KSR2: variants seen among roughly 807,000 people sequenced by gnomAD.
KSR2 encodes kinase suppressor of ras 2.
In KSR2, 25 loss-of-function variants were observed where a neutral mutation model predicts 107.8. The ratio of observed to expected loss-of-function variants is 0.23; its 90% CI spans 0.17 to 0.32. KSR2 has a LOEUF of 0.32. Among genes scored for constraint, KSR2 ranks in the 10% least tolerant of loss-of-function variants. KSR2 has a pLI of 1.00. For missense variants in KSR2, 887 were observed against 1,268.9 expected (o/e 0.70, Z 4.57); for synonymous variants, 480 against 507.0 (o/e 0.95, Z 0.71).
chr12:117,909,857 G>C (rs749178961), intron 1 of KSR2, among the ~76,000 whole-genome samples: 14 of 150,890 alleles, frequency 9.3e-5, no homozygotes, highest in African/African-American at 3.4e-4. Context: ...GCAGTGAGTC[G>C]AGATCACGCC....
chr12:117,568,951 A>G (rs931487743), intron 7 of KSR2, among the ~76,000 whole-genome samples: 2 of 152,218 alleles, frequency 1.3e-5, no homozygotes, highest in African/African-American at 4.8e-5. Flanking sequence ...ATACTTGCTC[A>G]TAATTATATC....
intron 1 of KSR2, among the ~76,000 whole-genome samples, chr12:117,937,096 C>G (rs1043764897): frequency 6.6e-6 from 1 of 152,194 alleles, no homozygotes; most frequent in Non-Finnish European, 1.5e-5. Context: ...CAACCGGCTG[C>G]AAGGAAATGT....
At chr12:117,638,100 T>C in intron 5 of KSR2, among the ~76,000 whole-genome samples, 1 of 152,188 alleles carries the variant, frequency 6.6e-6, no homozygotes, top group Non-Finnish European at 1.5e-5. Flanking sequence ...AGGCTGCCAA[T>C]GAATCTAGGA....
intron 1 of KSR2, among the ~76,000 whole-genome samples, chr12:117,881,046 C>G (rs118034541): frequency 6.6e-6 from 1 of 151,786 alleles, no homozygotes; most frequent in Non-Finnish European, 1.5e-5. Flanking sequence ...TTAGGATACT[C>G]GACCTATACC....
intron 1 of KSR2, among the ~76,000 whole-genome samples, chr12:117,899,926 G>C (rs1220159839): frequency 6.6e-6 from 1 of 152,198 alleles, no homozygotes; most frequent in African/African-American, 2.4e-5. Context: ...ACAGTGGTAA[G>C]AAGCTGGGGC....
chr12:117,804,374 A>G (rs997502910), intron 3 of KSR2, among the ~76,000 whole-genome samples: 1 of 152,188 alleles, frequency 6.6e-6, no homozygotes, highest in South Asian at 2.1e-4. Context: ...TCACACTACA[A>G]TGGCAGAATT....
chr12:117,642,809 AT>A (rs1450531684), intron 5 of KSR2, among the ~76,000 whole-genome samples: 3 of 152,158 alleles, frequency 2.0e-5, no homozygotes, highest in Non-Finnish European at 4.4e-5. Context: ...ATTCAAAGAA[AT>A]TTCTAGGAGA....
At chr12:117,583,185 G>A (rs928252720) in intron 5 of KSR2, among the ~76,000 whole-genome samples, 1 of 151,728 alleles carries the variant, frequency 6.6e-6, no homozygotes, top group Non-Finnish European at 1.5e-5. Context: ...AGATGGATAG[G>A]TGGGTGGGTA....
intron 1 of KSR2, among the ~76,000 whole-genome samples, chr12:117,954,937 A>G (rs894667402): frequency 6.6e-6 from 1 of 151,700 alleles, no homozygotes; most frequent in African/African-American, 2.4e-5. Flanking sequence ...GAACCACTTG[A>G]ACCCAGTACA....
chr12:117,855,657 AGAG>A (rs1893079540), intron 2 of KSR2, 79 bp from the exon 3 acceptor site: 1 of 1,432,718 alleles, frequency 7.0e-7, no homozygotes, highest in Non-Finnish European at 9.7e-7. Context: ...AGTGGTGCCT[AGAG>A]GAGAACACTC....
rs967153495 is a variant in KSR2 at position 117,472,763 on chromosome 12, G to T, written c.2583-1443C>A. Among the ~76,000 whole-genome samples the T allele has an allele frequency of 2.6e-5, 4 of 152,200 alleles. No individual in the cohort carries two copies. The East Asian group carries it at 7.7e-4, about 29-fold the overall frequency. On this transcript the variant is annotated intron_variant, in intron 17 of 19. Transcript: ENST00000339824. ...TGCTAAAAGATTATAGTTATCATAAGAAATAATAATGCTTATTGAGGTTTT... is the reference window on the plus strand; with the variant it reads ...TGCTAAAAGATTATAGTTATCATAATAAATAATAATGCTTATTGAGGTTTT...
chr12:117,689,112 T>C (rs1176129716), intron 4 of KSR2, among the ~76,000 whole-genome samples: 1 of 152,214 alleles, frequency 6.6e-6, no homozygotes, highest in African/African-American at 2.4e-5. Context: ...ACAATGAATA[T>C]GTCCAAACAT....
intron 1 of KSR2, among the ~76,000 whole-genome samples, chr12:117,898,335 C>CA (rs1566072922): frequency 6.9e-6 from 1 of 144,086 alleles, no homozygotes; most frequent in Non-Finnish European, 1.5e-5. Context: ...TTTTTTTTAA[C>CA]TTTTTTTTTT....
chr12:117,858,618 G>T (rs1406273892), intron 2 of KSR2, among the ~76,000 whole-genome samples: 3 of 152,186 alleles, frequency 2.0e-5, no homozygotes, highest in Non-Finnish European at 4.4e-5. Flanking sequence ...GAGGACTCTT[G>T]GTTTCACTGG....
chr12:117,539,533 A>C, intron 10 of KSR2, 186 bp downstream of exon 10: 1 of 534,102 alleles, frequency 1.9e-6, no homozygotes, highest in Non-Finnish European at 3.2e-6. Flanking sequence ...AATAAGTGAT[A>C]TAAGGGTAAT....
In KSR2 at chr12:117,481,158, T is replaced by C. The variant is rs911073366; in HGVS notation, c.2450+3258A>G. 2.0e-5 allele frequency among the ~76,000 whole-genome samples: 3 copies of C among 152,282 alleles called. No individual in the cohort carries two copies. The East Asian group carries it at 5.8e-4, about 29-fold the overall frequency. Reference sequence around the variant, plus strand: ...AACAGCCTTATGAGATAGGTGCTATTAGTGCCTGCCCCTACTCCCATTTTA... The same window carrying C: ...AACAGCCTTATGAGATAGGTGCTATCAGTGCCTGCCCCTACTCCCATTTTA... On this transcript the variant is annotated intron_variant, in intron 16 of 19. Transcript: ENST00000339824.
rs924390142 is a variant in KSR2 at position 117,698,509 on chromosome 12, A to G, written c.987-30851T>C. On this transcript the variant is annotated intron_variant, in intron 4 of 19. Coordinates refer to ENST00000339824, the MANE Select transcript of KSR2 (RefSeq NM_173598.6). ...TTTTTTTTCCTTTGGTATTTTTTGT[A>G]GAGACAAGGTTTTGCTATGTTGCCC... Among the ~76,000 whole-genome samples the G allele has an allele frequency of 7.9e-5, 12 of 151,680 alleles. 1 individual carries two copies. The South Asian group carries it at 2.5e-3, about 32-fold the overall frequency.
At chr12:117,521,997 C>T (rs574047106) in intron 14 of KSR2, among the ~76,000 whole-genome samples, 15 of 152,312 alleles carry the variant, frequency 9.8e-5, no homozygotes, top group African/African-American at 3.1e-4. Flanking sequence ...TTCTTTGGGG[C>T]TCATCTGGCA....
chr12:117,739,874 T>C (rs1888104648), intron 4 of KSR2, among the ~76,000 whole-genome samples: 1 of 142,048 alleles, frequency 7.0e-6, no homozygotes, highest in Non-Finnish European at 1.5e-5. Context: ...TGGACTGACA[T>C]ATTTTGGGTG....
Sources: allele counts gnomAD v4.1 joint callset (sites outside exome capture counted in the v4.1 genomes callset), GRCh38; gene constraint gnomAD v4.1.1; transcripts MANE v1.5; gene names NCBI Gene and HGNC (gene_info 2026-07-23, HGNC 2026-07-21).